The following ZNF532 variants were observed in gnomAD, a reference collection of about 807,000 sequenced individuals.
ZNF532 encodes the protein zinc finger protein 532.
In ZNF532, 22 loss-of-function variants were observed where a neutral mutation model predicts 89.3. The ratio of observed to expected loss-of-function variants is 0.25; its 90% confidence interval spans 0.18 to 0.35. The LOEUF (loss-of-function observed/expected upper bound fraction) is 0.35, where lower values mean the gene tolerates loss of function less well. Among genes scored for constraint, ZNF532 ranks in the 10% least tolerant of loss-of-function variants. The pLI, the probability that ZNF532 is intolerant of heterozygous loss-of-function variation, is 1.00. For synonymous variants in ZNF532, 606 were observed against 649.6 expected, an observed-to-expected ratio of 0.93 and a Z score of 1.02; for missense variants, 1,132 against 1,643.4, an observed-to-expected ratio of 0.69 and a Z score of 5.38.
At chr18:58,866,339 G>C (rs1277020183) in intron 2 of ZNF532, among the ~76,000 whole-genome samples, 2 of 152,186 alleles carry the variant, frequency 1.3e-5, no homozygotes, top group Non-Finnish European at 2.9e-5. Context: ...GGAGAGGAGA[G>C]GAGAGAAGGA....
chr18:58,930,356 G>A (rs904398888), intron 3 of ZNF532, among the ~76,000 whole-genome samples: 2 of 152,174 alleles, frequency 1.3e-5, no homozygotes, highest in East Asian at 3.8e-4. Context: ...ACCGGGCGCA[G>A]TGGCTCACGC....
intron 2 of ZNF532, among the ~76,000 whole-genome samples, chr18:58,915,897 A>T (rs1055776319): frequency 2.2e-4 from 34 of 152,322 alleles, no homozygotes; most frequent in African/African-American, 7.9e-4. Flanking sequence ...AACTGTATAA[A>T]GTCTTTTGCT....
At chr18:58,955,109 C>T (rs1416816007) in intron 7 of ZNF532, among the ~76,000 whole-genome samples, 2 of 152,108 alleles carry the variant, frequency 1.3e-5, no homozygotes, top group Non-Finnish European at 1.5e-5. Context: ...TAAGCCTTGT[C>T]AGCTGGGCAT....
Position 58,983,979 on chromosome 18 carries a change from G to T in ZNF532, c.3419G>T (p.Ser1140Ile), listed in dbSNP as rs2068153200. Residue 1140 changes from serine to isoleucine, a missense_variant, in exon 10 of 10, where the codon AGT (serine) becomes ATT (isoleucine). Transcript: ENST00000591808. ...TEIKEDTKVP[S>I]PKRKLEEPVL... ...GCTTTCTTTCCCTGAAAGGTCCCCA[G>T]TCCCAAGCGGAAGTTGGAAGAACCA... The T allele has an allele frequency of 3.1e-5, 50 of 1,608,278 alleles. No homozygotes were observed. The highest frequency in any genetic ancestry group is 4.1e-5 in the Non-Finnish European group (48 of 1,177,554).
At chr18:58,888,839 ATT>A (rs1448912115) in intron 2 of ZNF532, among the ~76,000 whole-genome samples, 60 of 46,724 alleles carry the variant, frequency 1.3e-3, no homozygotes, top group African/African-American at 6.5e-3. Flanking sequence ...TATATATATA[ATT>A]TATATATATA....
chr18:58,904,166 C>G (rs1334921341), intron 2 of ZNF532, among the ~76,000 whole-genome samples: 1 of 152,046 alleles, frequency 6.6e-6, no homozygotes, highest in African/African-American at 2.4e-5. Flanking sequence ...GCCTGGGCAA[C>G]ATAGTGAGAC....
At chr18:58,879,604 T>G (rs752483575) in intron 2 of ZNF532, among the ~76,000 whole-genome samples, 45 of 152,264 alleles carry the variant, frequency 3.0e-4, no homozygotes, top group Middle Eastern at 3.4e-3. Context: ...TTGGCTGGGC[T>G]GGTCTCGAAC....
chr18:58,930,251 A>G (rs2061838708), intron 3 of ZNF532, among the ~76,000 whole-genome samples: 1 of 152,210 alleles, frequency 6.6e-6, no homozygotes, highest in African/African-American at 2.4e-5. Context: ...TTAACTGGCC[A>G]GAATGTACCT....
chr18:58,947,849 A>G (rs766161043), intron 5 of ZNF532, among the ~76,000 whole-genome samples: 6 of 152,252 alleles, frequency 3.9e-5, no homozygotes, highest in Non-Finnish European at 2.9e-5. Flanking sequence ...AAGTAAATGT[A>G]GCTGAATGCA....
intron 5 of ZNF532, among the ~76,000 whole-genome samples, chr18:58,942,341 C>T (rs180996956): frequency 0.077 from 5,500 of 71,478 alleles, 376 homozygotes; most frequent in Admixed American, 0.13. Flanking sequence ...CTCCCTCCCT[C>T]CCTCCCTCCC....
chr18:58,919,884 G>A lies in ZNF532; in HGVS notation c.1597G>A (p.Gly533Ser), dbSNP rs140303525. 6.2e-7 allele frequency: 1 copy of A among 1,613,936 alleles called. No homozygotes were observed. The highest frequency in any genetic ancestry group is 8.5e-7 in the Non-Finnish European group (1 of 1,179,850). The change falls in exon 3 of 10, where the codon GGT becomes AGT. Residue 533 changes from glycine to serine, a missense_variant. Physicochemically the swap from Gly to Ser is moderately conservative, Grantham distance 56. This residue lies in a region of ZNF532 where 97 missense variants were observed against 143.7 expected (regional missense o/e 0.68). Coordinates refer to ENST00000591808, the MANE Select transcript of ZNF532 (RefSeq NM_001375912.1). The surrounding 1 kb of genome is among the most constrained non-coding windows in gnomAD (Gnocchi z 6.1). The stretch of plus-strand genomic sequence containing the variant: ...TGCCAACCTTAACCTTTTGCCTCAG[G>A]GTGCCCAGGCCACCTCTGAACTCCG... The part of the protein sequence containing the change: ...HLANLNLLPQ[G>S]AQATSELRQV...
chr18:58,973,409 T>C (rs2066684812), intron 7 of ZNF532, among the ~76,000 whole-genome samples: 2 of 152,166 alleles, frequency 1.3e-5, no homozygotes, highest in South Asian at 4.1e-4. Context: ...GCCAGAAAGA[T>C]TTTTTTGTTA....
chr18:58,912,026 T>C lies in ZNF532; in HGVS notation c.-17-6245T>C, dbSNP rs2060313271. 1.3e-5 allele frequency among the ~76,000 whole-genome samples: 2 copies of C among 151,998 alleles called. 1 individual carries two copies. Among genetic ancestry groups the C allele is most frequent in the Non-Finnish European group, 2.9e-5 (2 of 67,982 alleles). On this transcript the variant is annotated intron_variant, in intron 2 of 9. Coordinates refer to ENST00000591808, the MANE Select transcript of ZNF532 (RefSeq NM_001375912.1). ...TGCTCCTGATGTGCGAGGTGGGGAA[T>C]GGATGGGGGCGGGGAGCCTACTTTT...
chr18:58,944,729 G>A (rs763066682), intron 5 of ZNF532, among the ~76,000 whole-genome samples: 10 of 151,950 alleles, frequency 6.6e-5, no homozygotes, highest in South Asian at 2.1e-4. Context: ...GAGGTTTGTC[G>A]TATTTGGACT....
chr18:58,879,761 G>GT (rs562851730), intron 2 of ZNF532, among the ~76,000 whole-genome samples: 147 of 152,244 alleles, frequency 9.7e-4, no homozygotes, highest in Middle Eastern at 6.8e-3. Context: ...GCCAACGATT[G>GT]TTTTTTTCAG....
At chr18:58,963,290 C>T (rs2065547906) in intron 7 of ZNF532, among the ~76,000 whole-genome samples, 1 of 152,136 alleles carries the variant, frequency 6.6e-6, no homozygotes, top group South Asian at 2.1e-4. Context: ...CTGCATTTTC[C>T]ATACAGGGTG....
At chr18:58,937,752 T>C (rs2062599829) in intron 4 of ZNF532, among the ~76,000 whole-genome samples, 1 of 152,198 alleles carries the variant, frequency 6.6e-6, no homozygotes, top group African/African-American at 2.4e-5. Context: ...TGGGAAGAGC[T>C]AAAAATGATC....
At chr18:58,929,425 C>T (rs1303029954) in intron 3 of ZNF532, among the ~76,000 whole-genome samples, 1 of 152,228 alleles carries the variant, frequency 6.6e-6, no homozygotes, top group Non-Finnish European at 1.5e-5. Context: ...AGACAGCTTC[C>T]TCTGGAAACC....
intron 2 of ZNF532, among the ~76,000 whole-genome samples, chr18:58,888,826 A>ATTT (rs1194248959): frequency 0.045 from 1,730 of 38,656 alleles, 151 homozygotes; most frequent in South Asian, 0.057. Context: ...TATATATATA[A>ATTT]ATTATATATA....
Sources: gnomAD v4.1 joint callset for allele counts (sites outside exome capture counted in the v4.1 genomes callset) on GRCh38, gnomAD v4.1.1 for gene constraint, gnomAD v4.1.1 regional missense constraint, Gnocchi (gnomAD v3.1) non-coding constraint, MANE v1.5 for transcripts, NCBI Gene and HGNC (gene_info 2026-07-23, HGNC 2026-07-21) for gene names.